Variants in DOCK9 observed in about 807,000 individuals in gnomAD.
DOCK9 encodes dedicator of cytokinesis protein 9.
In DOCK9, 89 loss-of-function variants were observed where a neutral mutation model predicts 263.3. That is an observed-to-expected ratio of 0.34 (90% CI 0.28 to 0.40). The LOEUF (loss-of-function observed/expected upper bound fraction) is 0.40, where lower values mean the gene tolerates loss of function less well. Ranked by LOEUF, DOCK9 falls within the 10% of genes least tolerant of loss-of-function variation. DOCK9 has a pLI of 1.00. For synonymous variants in DOCK9, 976 were observed against 973.1 expected (o/e 1.00, Z -0.06); for missense variants, 2,140 against 2,603.4 (o/e 0.82, Z 3.87).
chr13:98,895,115 C>T (rs2047207090), intron 15 of DOCK9, among the ~76,000 whole-genome samples: 1 of 145,674 alleles, frequency 6.9e-6, no homozygotes, highest in African/African-American at 2.6e-5. Context: ...CACTGCACTC[C>T]AGCCTGGCGA....
At position 98,829,180 on chromosome 13, in the gene DOCK9, A is replaced by T; in HGVS notation, c.4965+127T>A. ...AGTCACCCTAAGCTTCATACTGTTT[A>T]AAGTTTTGCATACTTTTAATTGGTT... On this transcript the variant is annotated intron_variant, in intron 43 of 52. Coordinates refer to ENST00000682017, the MANE Select transcript of DOCK9 (RefSeq NM_001366683.2). The surrounding 1 kb of genome is among the most constrained non-coding windows in gnomAD (Gnocchi z 4.1). 1.2e-6 allele frequency: 1 copy of T among 829,258 alleles called. No homozygotes were observed. Among genetic ancestry groups the T allele is most frequent in the Non-Finnish European group, 1.9e-6 (1 of 539,242 alleles). The allele number at this position is 829,258 out of a possible 1,614,324, so 51.4% of individuals were successfully genotyped here.
At chr13:98,936,283 T>C (rs981607403) in intron 2 of DOCK9, among the ~76,000 whole-genome samples, 1 of 152,086 alleles carries the variant, frequency 6.6e-6, no homozygotes, top group African/African-American at 2.4e-5. Context: ...CCCCACCAGA[T>C]TGCAAATTCC....
At chr13:98,846,434 T>G in intron 37 of DOCK9, 3 of 1,121,330 alleles carry the variant, frequency 2.7e-6, no homozygotes, top group Non-Finnish European at 3.7e-6. Flanking sequence ...ACATGTATTT[T>G]TTTTAATTAA....
chr13:99,079,138 T>C (rs577861116), intron 1 of DOCK9, among the ~76,000 whole-genome samples: 14 of 152,176 alleles, frequency 9.2e-5, no homozygotes, highest in Non-Finnish European at 1.6e-4. Flanking sequence ...GGCCGTGGAG[T>C]TGCAGAATGG....
At chr13:99,055,952 G>A (rs1301622492) in intron 1 of DOCK9, among the ~76,000 whole-genome samples, 1 of 152,082 alleles carries the variant, frequency 6.6e-6, no homozygotes, top group Non-Finnish European at 1.5e-5. Context: ...AGCACTGTCA[G>A]GACCAAATAT....
chr13:98,949,737 G>T (rs2140856882), intron 2 of DOCK9: 1 of 314,248 alleles, frequency 3.2e-6, no homozygotes, highest in South Asian at 3.2e-5. Flanking sequence ...GCTGGTGGAT[G>T]AGCTGATTGA....
intron 4 of DOCK9, among the ~76,000 whole-genome samples, chr13:98,924,129 G>A (rs1180249835): frequency 6.6e-6 from 1 of 152,204 alleles, no homozygotes; most frequent in Non-Finnish European, 1.5e-5. Context: ...GATGGGTTAA[G>A]CCAATCCAAT....
At position 98,898,265 on chromosome 13, in the gene DOCK9, G is replaced by A. The variant is rs183304678; in HGVS notation, c.1504-4C>T. 4.7e-5 allele frequency: 76 copies of A among 1,607,412 alleles called. No individual in the cohort carries two copies. In the African/African-American group the frequency reaches 7.3e-4, roughly 16 times the overall value. ...TCTTCAGCACCTTCTGGGCCACCTT[G>A]AAGACATGAGAATAAAGCTATGAGA... is the stretch of plus-strand genomic sequence containing the variant. On this transcript the variant is annotated splice_polypyrimidine_tract_variant and splice_region_variant and intron_variant, in intron 13 of 52. Coordinates refer to ENST00000682017, the MANE Select transcript of DOCK9 (RefSeq NM_001366683.2).
chr13:99,031,997 T>G (rs1198132142), intron 1 of DOCK9, among the ~76,000 whole-genome samples: 1 of 152,234 alleles, frequency 6.6e-6, no homozygotes, highest in Non-Finnish European at 1.5e-5. Flanking sequence ...AGCCAGTACC[T>G]GGGTTAAATA....
At chr13:99,008,830 C>T (rs1883958365) in intron 1 of DOCK9, among the ~76,000 whole-genome samples, 1 of 152,148 alleles carries the variant, frequency 6.6e-6, no homozygotes, top group South Asian at 2.1e-4. Flanking sequence ...AAGATTAGGG[C>T]CCCGCCTTTA....
intron 1 of DOCK9, among the ~76,000 whole-genome samples, chr13:99,018,841 C>T (rs1027671348): frequency 6.6e-6 from 1 of 152,158 alleles, no homozygotes; most frequent in African/African-American, 2.4e-5. Context: ...CATTTACTCT[C>T]CCATCTTTAA....
intron 1 of DOCK9, among the ~76,000 whole-genome samples, chr13:99,043,568 C>T (rs1489393517): frequency 1.3e-5 from 2 of 152,256 alleles, no homozygotes; most frequent in Middle Eastern, 3.4e-3. Flanking sequence ...CTTGCAGGTA[C>T]GTCGGGGAGA....
intron 27 of DOCK9, among the ~76,000 whole-genome samples, chr13:98,873,720 A>G (rs1203657654): frequency 6.6e-6 from 1 of 152,276 alleles, no homozygotes; most frequent in Non-Finnish European, 1.5e-5. Flanking sequence ...GAGGCCTCTC[A>G]TAACTGTGGA....
Position 98,897,540 on chromosome 13 carries a change from T to C in DOCK9, c.1657A>G (p.Ser553Gly), listed in dbSNP as rs372471985. 1.2e-6 allele frequency: 2 copies of C among 1,613,920 alleles called. No homozygotes were observed. The highest frequency in any genetic ancestry group is 2.7e-5 in the African/African-American group (2 of 74,954). The change falls in exon 15 of 53, where the codon AGC (serine) becomes GGC (glycine). Residue 553 changes from serine (S) to glycine (G), a missense_variant. By Grantham distance (56) the Ser-to-Gly change is moderately conservative. Transcript: ENST00000682017. ...ARFSAIYRQD[S>G]NKLSNDDMLK... is the part of the protein sequence containing the mutation. ...ATGTCATCATTGGATAGCTTATTGC[T>C]GTCTTGCCTGTAGATGGCAGAAAAT...
chr13:98,886,668 G>C (rs751781585), intron 18 of DOCK9, 44 bp from the exon 19 acceptor site: 1 of 1,566,746 alleles, frequency 6.4e-7, no homozygotes, highest in Non-Finnish European at 8.8e-7. Flanking sequence ...GTTCGATTAA[G>C]TAAGAAATTA....
intron 1 of DOCK9, among the ~76,000 whole-genome samples, chr13:98,975,387 C>T (rs2060155561): frequency 6.6e-6 from 1 of 150,926 alleles, no homozygotes; most frequent in African/African-American, 2.4e-5. Context: ...CATAAATCCA[C>T]ATATGGTGAC....
intron 1 of DOCK9, among the ~76,000 whole-genome samples, chr13:99,085,325 C>T (rs2042285258): frequency 6.6e-6 from 1 of 152,214 alleles, no homozygotes; most frequent in African/African-American, 2.4e-5. Flanking sequence ...CAAATGCCGG[C>T]GGCAACGCAA....
In DOCK9 at chr13:98,829,335, A is replaced by G; in HGVS notation, c.4937T>C (p.Ile1646Thr). The change falls in exon 43 of 53, where the codon ATC becomes ACC. Residue 1646 changes from isoleucine to threonine, a missense_variant. Ile to Thr is a moderately conservative substitution (Grantham distance 89). Coordinates refer to ENST00000682017, the MANE Select transcript of DOCK9 (RefSeq NM_001366683.2). The surrounding 1 kb of genome is among the most constrained non-coding windows in gnomAD (Gnocchi z 4.1). ...TGAGAGATCGCCATTTTTGACATGG[A>G]TCCTGGCCATGCTGTCGAGCCACGT... is the stretch of plus-strand genomic sequence containing the variant. The part of the protein sequence containing the change: ...RKTWLDSMAR[I>T]HVKNGDLSEA... The G allele has an allele frequency of 6.2e-7, 1 of 1,613,030 alleles. No homozygotes were observed. The highest frequency in any genetic ancestry group is 1.3e-5 in the African/African-American group (1 of 74,988).
intron 15 of DOCK9, among the ~76,000 whole-genome samples, chr13:98,892,514 T>C (rs2046780515): frequency 1.3e-5 from 2 of 152,124 alleles, no homozygotes; most frequent in Non-Finnish European, 2.9e-5. Context: ...AAAACAACTA[T>C]ATATGATTGA....
Sources: allele counts gnomAD v4.1 joint callset (sites outside exome capture counted in the v4.1 genomes callset), GRCh38; gene constraint gnomAD v4.1.1; non-coding constraint Gnocchi (gnomAD v3.1); transcripts MANE v1.5; gene names NCBI Gene and HGNC (gene_info 2026-07-23, HGNC 2026-07-21).